The following C6 variants were observed in gnomAD, a reference collection of about 807,000 sequenced individuals.
C6 encodes complement C6.
A neutral mutation model predicts 112.9 loss-of-function variants in C6; 101 were observed. The observed-to-expected ratio is 0.89, with a 90% CI of 0.76 to 1.06. The LOEUF is 1.06. Ranked by LOEUF, C6 falls within the 50% of genes least tolerant of loss-of-function variation. The pLI is 0.00. For missense variants in C6, 1,202 were observed against 1,104.6 expected (o/e 1.09, Z -1.25); for synonymous variants, 431 against 384.1 (o/e 1.12, Z -1.43).
chr5:41,159,292 C>T, intron 11 of C6, 39 bp from the exon 12 acceptor site: 1 of 1,604,502 alleles, frequency 6.2e-7, no homozygotes, highest in Non-Finnish European at 8.5e-7. Flanking sequence ...GATCATGGTG[C>T]AGCTGAATTT....
chr5:41,178,503 G>GGT (rs777388911), intron 7 of C6, among the ~76,000 whole-genome samples: 2 of 132,104 alleles, frequency 1.5e-5, no homozygotes, highest in East Asian at 2.2e-4. Flanking sequence ...TGGAGACAGA[G>GGT]CTAGCTCTGT....
At chr5:41,222,114 C>T (rs572175081) in intron 1 of C6, among the ~76,000 whole-genome samples, 411 of 150,102 alleles carry the variant, frequency 2.7e-3, no homozygotes, top group Non-Finnish European at 4.2e-3. Context: ...CACAGTGAGC[C>T]GAGATCATGC....
At chr5:41,258,349 T>G (rs1295237762) in intron 1 of C6, among the ~76,000 whole-genome samples, 2 of 152,064 alleles carry the variant, frequency 1.3e-5, no homozygotes, top group Non-Finnish European at 2.9e-5. Flanking sequence ...TTTGTTTTTA[T>G]TTTTGGCTGA....
chr5:41,200,042 AT>A (rs1750893403), intron 3 of C6, 130 bp from the exon 4 acceptor site: 1 of 803,938 alleles, frequency 1.2e-6, no homozygotes, highest in Non-Finnish European at 2.1e-6. Context: ...TTTACTAATG[AT>A]TCTTCCAATT....
At chr5:41,240,351 G>A (rs1740622875) in intron 1 of C6, among the ~76,000 whole-genome samples, 1 of 152,068 alleles carries the variant, frequency 6.6e-6, no homozygotes, top group Non-Finnish European at 1.5e-5. Context: ...GTTTAGGCAG[G>A]CCAATTCTTG....
intron 8 of C6, 57 bp from the exon 9 acceptor site, chr5:41,172,404 A>G: frequency 6.4e-7 from 1 of 1,565,518 alleles, no homozygotes; most frequent in Non-Finnish European, 8.8e-7. Context: ...CAATTCAAAG[A>G]GGAACATGGT....
At chr5:41,152,228 A>G (rs901747765) in intron 15 of C6, among the ~76,000 whole-genome samples, 1 of 152,134 alleles carries the variant, frequency 6.6e-6, no homozygotes, top group Non-Finnish European at 1.5e-5. Flanking sequence ...TTCATAAGGA[A>G]ATTACACTTG....
intron 9 of C6, among the ~76,000 whole-genome samples, chr5:41,163,571 A>C (rs1467557739): frequency 7.2e-5 from 11 of 152,256 alleles, no homozygotes; most frequent in Non-Finnish European, 1.5e-4. Flanking sequence ...TTGGCCTCCC[A>C]AAGTGCTGGG....
At chr5:41,189,847 G>T (rs1442305863) in intron 5 of C6, among the ~76,000 whole-genome samples, 1 of 152,138 alleles carries the variant, frequency 6.6e-6, no homozygotes, top group African/African-American at 2.4e-5. Flanking sequence ...GCTTCTGCAT[G>T]TGAGTGAGAA....
upstream of C6, among the ~76,000 whole-genome samples, chr5:41,216,688 A>G (rs529831560): frequency 6.6e-6 from 1 of 151,860 alleles, no homozygotes; most frequent in African/African-American, 2.4e-5. Context: ...TCATTTTTCC[A>G]CCTTGCCATC....
intron 1 of C6, among the ~76,000 whole-genome samples, chr5:41,221,363 T>G (rs969117404): frequency 7.2e-5 from 11 of 152,188 alleles, no homozygotes; most frequent in African/African-American, 2.4e-4. Context: ...TGGTGAAATA[T>G]TCTCAGTTAT....
chr5:41,167,377 G>T (rs1224707828), intron 9 of C6, among the ~76,000 whole-genome samples: 2 of 152,112 alleles, frequency 1.3e-5, no homozygotes, highest in African/African-American at 4.8e-5. Context: ...GATAAAAAAT[G>T]TATACAACAG....
intron 1 of C6, among the ~76,000 whole-genome samples, chr5:41,220,623 A>G (rs1247806702): frequency 6.6e-6 from 1 of 151,982 alleles, no homozygotes; most frequent in East Asian, 1.9e-4. Flanking sequence ...TTTGGTTTTG[A>G]TTTACATTTC....
At chr5:41,172,578 C>T in intron 8 of C6, 2 of 576,010 alleles carry the variant, frequency 3.5e-6, no homozygotes, top group Non-Finnish European at 6.2e-6. Context: ...ATCATCTCCC[C>T]TTTCAGCACT....
intron 3 of C6, among the ~76,000 whole-genome samples, chr5:41,200,888 GTT>G (rs1363630326): frequency 3.0e-5 from 2 of 66,806 alleles, no homozygotes; most frequent in African/African-American, 1.1e-4. Flanking sequence ...TGTTGTTGTT[GTT>G]GTTTTTTTTT....
chr5:41,184,015 G>A (rs1021182300), intron 6 of C6, among the ~76,000 whole-genome samples: 2 of 151,946 alleles, frequency 1.3e-5, no homozygotes, highest in African/African-American at 2.4e-5. Flanking sequence ...TCGAAAAACT[G>A]TTGGGTACTC....
At chr5:41,221,308 G>T (rs1043931844) in intron 1 of C6, among the ~76,000 whole-genome samples, 1 of 152,120 alleles carries the variant, frequency 6.6e-6, no homozygotes, top group African/African-American at 2.4e-5. Flanking sequence ...TCTCAACAGG[G>T]ATGATATTTC....
At chr5:41,233,292 T>C (rs959365021) in intron 1 of C6, among the ~76,000 whole-genome samples, 2 of 152,118 alleles carry the variant, frequency 1.3e-5, no homozygotes, top group Non-Finnish European at 2.9e-5. Context: ...TCTTCATGGA[T>C]CTTGTGGCAC....
At chr5:41,188,392 G>C (rs73753120) in intron 5 of C6, among the ~76,000 whole-genome samples, 3,716 of 152,176 alleles carry the variant, frequency 0.024, 165 homozygotes, top group African/African-American at 0.084. Flanking sequence ...GGGTCATCAA[G>C]ACAGTGTAGT....
Sources: allele counts gnomAD v4.1 joint callset (sites outside exome capture counted in the v4.1 genomes callset), GRCh38; gene constraint gnomAD v4.1.1; transcripts MANE v1.5; gene names NCBI Gene and HGNC (gene_info 2026-07-23, HGNC 2026-07-21).